Variants in CCZ1 observed in about 807,000 individuals in gnomAD.
CCZ1 encodes vacuolar fusion protein CCZ1 homolog.
Under a neutral mutation model 57.8 loss-of-function variants are expected in CCZ1, and 19 were observed. The observed-to-expected ratio is 0.33, with a 90% CI of 0.23 to 0.48. The LOEUF (loss-of-function observed/expected upper bound fraction) is 0.48, where lower values mean the gene tolerates loss of function less well. Ranked by LOEUF, CCZ1 falls within the 20% of genes least tolerant of loss-of-function variation. The pLI is 0.99. For synonymous variants in CCZ1, 81 were observed against 167.0 expected, an observed-to-expected ratio of 0.49 and a Z score of 3.97; for missense variants, 200 against 492.0, an observed-to-expected ratio of 0.41 and a Z score of 5.61.
rs138176098 is a variant in CCZ1, at chr7:5,902,896, C to T, written c.522+152C>T. On this transcript the variant is annotated intron_variant, in intron 6 of 14. Coordinates refer to ENST00000325974, the MANE Select transcript of CCZ1 (RefSeq NM_015622.6). Reference sequence around the variant, plus strand: ...ACAGACCGTCGCAAAACTGGAGCAGCGAGGAAACGCATGAGGCTTGTGCTC... The same window carrying T: ...ACAGACCGTCGCAAAACTGGAGCAGTGAGGAAACGCATGAGGCTTGTGCTC... The T allele has an allele frequency of 8.8e-3, 8,996 of 1,027,396 alleles. 300 individuals are homozygous for T. The highest frequency in any genetic ancestry group is 0.045 in the Admixed American group (1,440 of 31,910). 63.6% of individuals were successfully genotyped at this position (1,027,396 alleles called of 1,614,324 possible). A position where few individuals can be genotyped will look rare whatever the true frequency, so the allele number is the denominator to read the frequency against.
chr7:5,912,033 A>C, intron 9 of CCZ1, 111 bp downstream of exon 9: 1 of 1,580,560 alleles, frequency 6.3e-7, no homozygotes, highest in Non-Finnish European at 8.6e-7. Flanking sequence ...CGCTCACTGC[A>C]ACCTCCGCCT....
At chr7:5,909,443 T>C (rs1341778158) in intron 7 of CCZ1, among the ~76,000 whole-genome samples, 3 of 150,118 alleles carry the variant, frequency 2.0e-5, no homozygotes, top group Middle Eastern at 3.2e-3. Flanking sequence ...GGCTCACATA[T>C]GTAATCCCAG....
In CCZ1 at chr7:5,911,912, C is replaced by G; in HGVS notation, c.832C>G (p.His278Asp). 1 of 1,585,240 alleles carries G rather than the reference C, an allele frequency of 6.3e-7. No homozygotes were observed. The highest frequency in any genetic ancestry group is 8.6e-7 in the Non-Finnish European group (1 of 1,166,686). ...AGCAGAAATGCCAGGAAATCTTCAA[C>G]ACTATGGAAGGTAGGACTTCTGTTC... ...IRAEMPGNLQHYGRFLTGPLN... is the reference protein window; with the variant it reads ...IRAEMPGNLQDYGRFLTGPLN... Residue 278 changes from histidine to aspartate, a missense_variant, in exon 9 of 15, where the codon CAC (histidine) becomes GAC (aspartate). By Grantham distance (81) the His-to-Asp change is moderately conservative. Coordinates refer to ENST00000325974, the MANE Select transcript of CCZ1 (RefSeq NM_015622.6).
chr7:5,903,920 C>T (rs768032451), intron 6 of CCZ1, among the ~76,000 whole-genome samples: 3 of 141,292 alleles, frequency 2.1e-5, no homozygotes, highest in African/African-American at 5.5e-5. Context: ...GCTTGAACCC[C>T]GGAGGCGAGG....
intron 10 of CCZ1, among the ~76,000 whole-genome samples, chr7:5,913,964 C>T (rs1261832754): frequency 7.5e-6 from 1 of 132,784 alleles, no homozygotes; most frequent in East Asian, 2.4e-4. Context: ...TTCTTTCTCC[C>T]AGACAGAACT....
intron 6 of CCZ1, among the ~76,000 whole-genome samples, chr7:5,903,448 T>C (rs1781730286): frequency 7.0e-6 from 1 of 142,700 alleles, no homozygotes; most frequent in African/African-American, 2.6e-5. Context: ...AATTCTCAAT[T>C]TATTTTCTTC....
chr7:5,899,343 G>A (rs1424735663), intron 1 of CCZ1, among the ~76,000 whole-genome samples: 12 of 12,302 alleles, frequency 9.8e-4, no homozygotes, highest in African/African-American at 3.0e-3. Flanking sequence ...GGGTGTGTGT[G>A]TGTGTGTGTG....
rs1781786983 is a variant in CCZ1, at chr7:5,905,387, G to A, written c.698+118G>A. 8 of 601,820 alleles carry A rather than the reference G, an allele frequency of 1.3e-5. 1 individual carries two copies. In the South Asian group the frequency reaches 1.5e-4, roughly 11 times the overall value. The allele number at this position is 601,820 out of a possible 1,614,324, so 37.3% of individuals were successfully genotyped here. On this transcript the variant is annotated intron_variant, in intron 7 of 14. Coordinates refer to ENST00000325974, the MANE Select transcript of CCZ1 (RefSeq NM_015622.6). ...TTGCAGCGGGGAGGATGGGTAGGAA[G>A]CATCTTCATAGATATTGTCAAAATA...
intron 1 of CCZ1, among the ~76,000 whole-genome samples, chr7:5,899,334 GGTGTGTGTGTGT>G (rs869199583): frequency 1.3e-3 from 16 of 12,576 alleles, no homozygotes; most frequent in Admixed American, 3.5e-3. Flanking sequence ...TCGGGAGGGG[GGTGTGTGTGTGT>G]GTGTGTGTGT....
rs544164883 is a variant in CCZ1 at position 5,900,607 on chromosome 7, G to A, written c.312+41G>A. The A allele has an allele frequency of 1.5e-4, 243 of 1,583,130 alleles. 12 individuals are homozygous for A. The South Asian group carries it at 2.5e-3, about 16-fold the overall frequency. ...GTGTATCTTTCTGAAATTGTATGGTGAAGTTATGGGTGATCTTTACTGTTC... is the reference window on the plus strand; with the variant it reads ...GTGTATCTTTCTGAAATTGTATGGTAAAGTTATGGGTGATCTTTACTGTTC... On this transcript the variant is annotated intron_variant, in intron 3 of 14. Coordinates refer to ENST00000325974, the MANE Select transcript of CCZ1 (RefSeq NM_015622.6).
chr7:5,908,313 G>C (rs1355783371), intron 7 of CCZ1, among the ~76,000 whole-genome samples: 1 of 119,324 alleles, frequency 8.4e-6, no homozygotes, highest in Non-Finnish European at 1.8e-5. Context: ...ACCAAAAAGT[G>C]GAAAAAAAAA....
rs952732552 is a variant in CCZ1, at chr7:5,903,781, C to G, written c.522+1037C>G. Among the ~76,000 whole-genome samples the G allele has an allele frequency of 4.8e-5, 7 of 147,356 alleles. 2 individuals carry two copies. The highest frequency in any genetic ancestry group is 1.8e-4 in the African/African-American group (7 of 38,988). On this transcript the variant is annotated intron_variant, in intron 6 of 14. Transcript: ENST00000325974. Reference sequence around the variant, plus strand: ...GGCCGATGCGGGCAGATCTTGAGGTCATGAGTTCGAGACCAGCCTGGCCAA... The same window carrying G: ...GGCCGATGCGGGCAGATCTTGAGGTGATGAGTTCGAGACCAGCCTGGCCAA...
In CCZ1 at chr7:5,905,512, G is replaced by A. The variant is rs1013365952; in HGVS notation, c.698+243G>A. On this transcript the variant is annotated intron_variant, in intron 7 of 14. Transcript: ENST00000325974. ...GCATGAAAGATGAAAGGCTGGGCAC[G>A]GTGGCTCACACCTGTAATCTTAGCA... Among the ~76,000 whole-genome samples the A allele has an allele frequency of 3.7e-4, 54 of 146,386 alleles. 3 individuals carry two copies. The highest frequency in any genetic ancestry group is 1.1e-3 in the African/African-American group (43 of 38,724).
Position 5,925,880 on chromosome 7 carries a change from G to C in CCZ1, c.*193G>C. The stretch of plus-strand genomic sequence containing the variant: ...AAATATTTATGTGGAATTAATTAAA[G>C]GTAGTTGGCTATATCGCTATCATTT... On this transcript the variant is annotated 3_prime_UTR_variant, in exon 15 of 15. Transcript: ENST00000325974. 1 of 667,718 alleles carries C rather than the reference G, an allele frequency of 1.5e-6. No homozygotes were observed. The highest frequency in any genetic ancestry group is 2.7e-5 in the East Asian group (1 of 37,096). 41.4% of individuals were successfully genotyped at this position (667,718 alleles called of 1,614,324 possible).
chr7:5,912,274 A>G (rs1349367768), intron 9 of CCZ1, among the ~76,000 whole-genome samples: 1 of 135,494 alleles, frequency 7.4e-6, no homozygotes, highest in Non-Finnish European at 1.6e-5. Flanking sequence ...CTTTTTGGTA[A>G]AGATAATATG....
rs150611608 is a variant in CCZ1, at chr7:5,901,693, A to G, written c.427A>G (p.Ser143Gly). Reference sequence around the variant, plus strand: ...TAGCTCGGTGCTGCGGCAGTGCTACAGCATGTACAAGGTAAGCGTGGCGTT... The same window carrying G: ...TAGCTCGGTGCTGCGGCAGTGCTACGGCATGTACAAGGTAAGCGTGGCGTT... ...VYSSVLRQCYSMYKLFNGTFL... is the reference protein window; with the variant it reads ...VYSSVLRQCYGMYKLFNGTFL... The change falls in exon 5 of 15, where the codon AGC becomes GGC. Residue 143 changes from serine to glycine, a missense_variant. Ser to Gly is a moderately conservative substitution (Grantham distance 56). This residue lies in a region of CCZ1 where 128 missense variants were observed against 178.4 expected (regional missense o/e 0.72). Transcript: ENST00000325974. The G allele has an allele frequency of 5.0e-6, 8 of 1,598,666 alleles. No individual in the cohort carries two copies. The highest frequency in any genetic ancestry group is 1.4e-5 in the African/African-American group (1 of 72,682).
intron 7 of CCZ1, among the ~76,000 whole-genome samples, chr7:5,909,416 A>G (rs1445058100): frequency 1.3e-5 from 2 of 150,564 alleles, no homozygotes; most frequent in African/African-American, 4.9e-5. Context: ...ATGAAAAAAG[A>G]TGAGGCCAGG....
chr7:5,901,521 C>G (rs142883732), intron 4 of CCZ1, 136 bp from the exon 5 acceptor site: 25,836 of 1,290,944 alleles, frequency 0.02, 912 homozygotes, highest in South Asian at 0.036. Flanking sequence ...ACTTTTTTTT[C>G]AGCACGCAAC....
At chr7:5,906,385 C>T (rs1413782991) in intron 7 of CCZ1, among the ~76,000 whole-genome samples, 4 of 143,100 alleles carry the variant, frequency 2.8e-5, no homozygotes, top group Admixed American at 2.1e-4. Context: ...TACAGTGGCG[C>T]GATCTTGGCT....
Sources: allele counts gnomAD v4.1 joint callset (sites outside exome capture counted in the v4.1 genomes callset), GRCh38; gene constraint gnomAD v4.1.1; regional missense constraint gnomAD v4.1.1; transcripts MANE v1.5; gene names NCBI Gene and HGNC (gene_info 2026-07-23, HGNC 2026-07-21).